Variants in KALRN observed in about 807,000 individuals in gnomAD.
The protein encoded by KALRN is kalirin RhoGEF kinase, also known as kalirin.
In KALRN, 70 loss-of-function variants were observed where a neutral mutation model predicts 353.7. That is an observed-to-expected ratio of 0.20 (90% CI 0.16 to 0.24). KALRN has a LOEUF of 0.24. Among genes scored for constraint, KALRN ranks in the 10% least tolerant of loss-of-function variants. The pLI, the probability that KALRN is intolerant of heterozygous loss-of-function variation, is 1.00. For synonymous variants in KALRN, 1,391 were observed against 1,434.8 expected, an observed-to-expected ratio of 0.97 and a Z score of 0.69; for missense variants, 2,791 against 3,756.7, an observed-to-expected ratio of 0.74 and a Z score of 6.72.
chr3:124,340,530 A>T (rs568692180), intron 9 of KALRN, among the ~76,000 whole-genome samples: 4 of 152,134 alleles, frequency 2.6e-5, no homozygotes, highest in African/African-American at 7.2e-5. Context: ...CTCCAAAAAA[A>T]GAAGAAGAAG....
At chr3:124,052,531 G>A (rs556846723) in intron 1 of KALRN, among the ~76,000 whole-genome samples, 32 of 152,144 alleles carry the variant, frequency 2.1e-4, no homozygotes, top group South Asian at 1.0e-3. Context: ...GTAAAAAGCC[G>A]TCCAGAATCT....
At chr3:124,491,277 ACT>A in intron 30 of KALRN, 44 bp from the exon 31 acceptor site, 1 of 1,322,520 alleles carries the variant, frequency 7.6e-7, no homozygotes, top group African/African-American at 1.5e-5. Context: ...AAGTTTCCCC[ACT>A]GCCCTCCCCT....
At chr3:124,347,824 G>A (rs973546856) in intron 10 of KALRN, among the ~76,000 whole-genome samples, 8 of 152,232 alleles carry the variant, frequency 5.3e-5, no homozygotes, top group East Asian at 3.9e-4. Context: ...ACCTGCCTTC[G>A]TGTGATTTGT....
intron 51 of KALRN, among the ~76,000 whole-genome samples, chr3:124,688,136 C>A (rs755941928): frequency 1.4e-4 from 21 of 151,920 alleles, no homozygotes; most frequent in Non-Finnish European, 2.9e-4. Context: ...CATGGCGAGA[C>A]CCCATCTCTA....
At chr3:124,656,676 G>A (rs1288696622) in intron 39 of KALRN, among the ~76,000 whole-genome samples, 1 of 152,138 alleles carries the variant, frequency 6.6e-6, no homozygotes, top group Non-Finnish European at 1.5e-5. Flanking sequence ...AGCCTACATT[G>A]CCTGCTGGTT....
chr3:124,699,924 C>G lies in KALRN; in HGVS notation c.7887C>G (p.Ile2629Met), dbSNP rs370254434. Residue 2629 changes from isoleucine (I) to methionine (M), a missense_variant, in exon 56 of 60, where the codon ATC becomes ATG. Physicochemically the swap from Ile to Met is conservative, Grantham distance 10 (BLOSUM62 1). Around this residue, in one of 11 missense-constraint regions of KALRN, gnomAD observed 1,065 missense variants for 1,156.4 expected, o/e 0.92. Transcript: ENST00000682506. ...CGACCTTGGACACTTACCTCGTCATCGAAGACCTTAGTCCCGGGTGTCCTT... is the reference window on the plus strand; with the variant it reads ...CGACCTTGGACACTTACCTCGTCATGGAAGACCTTAGTCCCGGGTGTCCTT... ...VASTLDTYLV[I>M]EDLSPGCPYQ... 8 of 1,614,064 alleles carry G rather than the reference C, an allele frequency of 5.0e-6. No homozygotes were observed. Among genetic ancestry groups the G allele is most frequent in the Non-Finnish European group, 5.9e-6 (7 of 1,180,018 alleles).
intron 13 of KALRN, among the ~76,000 whole-genome samples, chr3:124,411,490 G>A (rs2092156403): frequency 8.2e-6 from 1 of 122,086 alleles, no homozygotes. Flanking sequence ...CACCCAAGCT[G>A]GAGTGCAGTA....
At chr3:124,304,681 A>G (rs138666003) in intron 6 of KALRN, among the ~76,000 whole-genome samples, 19 of 152,328 alleles carry the variant, frequency 1.2e-4, no homozygotes, top group African/African-American at 4.1e-4. Context: ...CTAAAATTCA[A>G]TAAGAACAGT....
At chr3:124,390,180 C>G (rs1345542077) in intron 11 of KALRN, among the ~76,000 whole-genome samples, 1 of 152,216 alleles carries the variant, frequency 6.6e-6, no homozygotes, top group African/African-American at 2.4e-5. Context: ...AGCACCTGCC[C>G]TGCAGAAATT....
chr3:124,061,579 A>G (rs1354096736), intron 1 of KALRN, among the ~76,000 whole-genome samples: 4 of 152,208 alleles, frequency 2.6e-5, no homozygotes, highest in Non-Finnish European at 4.4e-5. Context: ...CTAGACAAGG[A>G]CATTTATTTT....
intron 34 of KALRN, among the ~76,000 whole-genome samples, chr3:124,573,195 C>T (rs2073738351): frequency 6.6e-6 from 1 of 152,182 alleles, no homozygotes; most frequent in African/African-American, 2.4e-5. Context: ...GGCTTGAGTT[C>T]ATTGCTGCAG....
At chr3:124,366,551 CAGA>C (rs1228379385) in intron 10 of KALRN, among the ~76,000 whole-genome samples, 2 of 149,608 alleles carry the variant, frequency 1.3e-5, no homozygotes, top group African/African-American at 5.0e-5. Flanking sequence ...GATCCCAAGG[CAGA>C]AGAATTTTTC....
intron 1 of KALRN, among the ~76,000 whole-genome samples, chr3:124,123,859 A>G (rs763206631): frequency 1.3e-5 from 2 of 152,244 alleles, no homozygotes; most frequent in African/African-American, 4.8e-5. Context: ...TTTTAAGCCC[A>G]CTGATGAGAC....
chr3:124,446,340 G>A, intron 20 of KALRN, 64 bp downstream of exon 20: 1 of 1,227,726 alleles, frequency 8.1e-7, no homozygotes, highest in Non-Finnish European at 1.2e-6. Flanking sequence ...CCATCACCAA[G>A]GCTTAGTCCA....
chr3:124,101,834 G>A (rs1390013107), intron 1 of KALRN, among the ~76,000 whole-genome samples: 1 of 152,100 alleles, frequency 6.6e-6, no homozygotes, highest in Non-Finnish European at 1.5e-5. Context: ...TAGGCCATCT[G>A]CTTGTAACTG....
Position 124,264,620 on chromosome 3 carries a change from T to C in KALRN, c.386T>C (p.Leu129Pro), listed in dbSNP as rs1236708306. The C allele has an allele frequency of 6.2e-7, 1 of 1,614,146 alleles. No individual in the cohort carries two copies. ...EAFPAEIHVA[L>P]IIKPDNFWQK... is the part of the protein sequence containing the mutation. Reference sequence around the variant, plus strand: ...TTTCCAGCTGAGATCCATGTGGCCCTCATCATTAAACCCGACAACTTCTGG... The same window carrying C: ...TTTCCAGCTGAGATCCATGTGGCCCCCATCATTAAACCCGACAACTTCTGG... The change falls in exon 4 of 60, where the codon CTC becomes CCC. Residue 129 changes from leucine to proline, a missense_variant. Leu to Pro is a moderately conservative substitution (Grantham distance 98). Around this residue, in one of 11 missense-constraint regions of KALRN, gnomAD observed 110 missense variants for 204.1 expected, o/e 0.54. Transcript: ENST00000682506.
intron 59 of KALRN, among the ~76,000 whole-genome samples, chr3:124,718,402 T>A (rs2063265728): frequency 6.6e-6 from 1 of 152,184 alleles, no homozygotes. Flanking sequence ...ATTATAGGTG[T>A]GAGCCACCGT....
At chr3:124,248,554 G>C (rs1424428760) in intron 3 of KALRN, among the ~76,000 whole-genome samples, 1 of 152,184 alleles carries the variant, frequency 6.6e-6, no homozygotes, top group Non-Finnish European at 1.5e-5. Flanking sequence ...CATTTCTCCT[G>C]GAACTTAGAT....
chr3:124,573,758 A>T (rs1578082616), intron 34 of KALRN, among the ~76,000 whole-genome samples: 2 of 152,188 alleles, frequency 1.3e-5, no homozygotes, highest in Non-Finnish European at 2.9e-5. Flanking sequence ...TCCTTTCTAC[A>T]GTCCACCAAC....
Sources: gnomAD v4.1 joint callset for allele counts (sites outside exome capture counted in the v4.1 genomes callset) on GRCh38, gnomAD v4.1.1 for gene constraint, gnomAD v4.1.1 regional missense constraint, MANE v1.5 for transcripts, NCBI Gene and HGNC (gene_info 2026-07-23, HGNC 2026-07-21) for gene names.